Variants in MYO10 observed in about 807,000 individuals in gnomAD.
MYO10 encodes the protein unconventional myosin-X.
A neutral mutation model predicts 257.3 loss-of-function variants in MYO10; 133 were observed. The observed-to-expected ratio is 0.52, with a 90% CI of 0.45 to 0.60. The LOEUF (loss-of-function observed/expected upper bound fraction) is 0.60. Among genes scored for constraint, MYO10 ranks in the 20% least tolerant of loss-of-function variants. MYO10 has a pLI of 0.00. For missense variants in MYO10, 2,399 were observed against 2,635.7 expected (o/e 0.91, Z 1.97); for synonymous variants, 1,104 against 1,028.6 (o/e 1.07, Z -1.40).
chr5:16,674,744 C>T, intron 35 of MYO10, 109 bp downstream of exon 35: 1 of 1,268,478 alleles, frequency 7.9e-7, no homozygotes, highest in Non-Finnish European at 1.1e-6. Context: ...GGTCCCTGTC[C>T]TACTAGAGGT....
At chr5:16,805,458 C>CAAAAAAA (rs36126574) in intron 3 of MYO10, among the ~76,000 whole-genome samples, 41 of 78,058 alleles carry the variant, frequency 5.3e-4, no homozygotes, top group Admixed American at 9.9e-4. Context: ...GACTCCATCT[C>CAAAAAAA]AAAAAAAAAA....
At position 16,762,143 on chromosome 5, in the gene MYO10, A is replaced by AAAAAAAAAT. The variant is rs370443366; in HGVS notation, c.1588-31_1588-30insATTTTTTTT. On this transcript the variant is annotated intron_variant, in intron 15 of 40. Coordinates refer to ENST00000513610, the MANE Select transcript of MYO10 (RefSeq NM_012334.3). ...AAAAAAAAAAAAAAAAAAAAAAAAA[A>AAAAAAAAAT]ATACAATGCCTTATTTCACTCACTG... 241 of 1,092,120 alleles carry AAAAAAAAAT rather than the reference A, an allele frequency of 2.2e-4. 14 individuals are homozygous for AAAAAAAAAT. Among genetic ancestry groups the AAAAAAAAAT allele is most frequent in the Middle Eastern group, 3.2e-4 (1 of 3,096 alleles). The allele number at this position is 1,092,120 out of a possible 1,614,324, so 67.7% of individuals were successfully genotyped here.
chr5:16,796,216 A>AGAAAGC (rs1741944809), intron 3 of MYO10, among the ~76,000 whole-genome samples: 1 of 119,876 alleles, frequency 8.3e-6, no homozygotes, highest in African/African-American at 3.0e-5. Context: ...AAGAACAGAG[A>AGAAAGC]GAGAGCGAGA....
chr5:16,742,357 G>A (rs1374769297), intron 19 of MYO10: 3 of 624,876 alleles, frequency 4.8e-6, no homozygotes, highest in Non-Finnish European at 6.0e-6. Context: ...TTTGTTTAGG[G>A]AGAAGAATGG....
intron 3 of MYO10, among the ~76,000 whole-genome samples, chr5:16,808,187 G>A (rs964922061): frequency 6.6e-6 from 1 of 152,168 alleles, no homozygotes; most frequent in Non-Finnish European, 1.5e-5. Context: ...TTTCAGCCAC[G>A]TGTAGTGACT....
chr5:16,931,834 C>A (rs1204941746), intron 1 of MYO10, among the ~76,000 whole-genome samples: 1 of 152,146 alleles, frequency 6.6e-6, no homozygotes, highest in Admixed American at 6.6e-5. Flanking sequence ...GGAGACATAT[C>A]GAGGGTGAGG....
At chr5:16,773,882 GTAGT>G (rs1178323206) in intron 9 of MYO10, among the ~76,000 whole-genome samples, 5 of 152,294 alleles carry the variant, frequency 3.3e-5, no homozygotes, top group Middle Eastern at 3.4e-3. Flanking sequence ...GATTGGGCAA[GTAGT>G]TAGTAGTGTT....
intron 19 of MYO10, among the ~76,000 whole-genome samples, chr5:16,740,734 A>T (rs929816001): frequency 6.6e-6 from 1 of 152,126 alleles, no homozygotes; most frequent in African/African-American, 2.4e-5. Context: ...CACATTTGTA[A>T]ACTAAACAGA....
In MYO10 at chr5:16,744,935, T is replaced by A. The variant is rs1740141545; in HGVS notation, c.1929+9893A>T. The stretch of plus-strand genomic sequence containing the variant: ...ATTCTTATTAAGAGCTTAAAAATAT[T>A]TGACACGCTCCTATGAACGAATATC... On this transcript the variant is annotated intron_variant, in intron 19 of 40. Coordinates refer to ENST00000513610, the MANE Select transcript of MYO10 (RefSeq NM_012334.3). Among the ~76,000 whole-genome samples, 4 of 152,320 alleles carry A rather than the reference T, an allele frequency of 2.6e-5. No homozygotes were observed. The South Asian group carries it at 8.3e-4, about 32-fold the overall frequency.
intron 19 of MYO10, among the ~76,000 whole-genome samples, chr5:16,720,957 T>C (rs1739131920): frequency 6.6e-6 from 1 of 152,204 alleles, no homozygotes. Context: ...ATGAATACTG[T>C]ATGTGTGGGG....
At chr5:16,805,528 T>C (rs1301139636) in intron 3 of MYO10, among the ~76,000 whole-genome samples, 2 of 150,236 alleles carry the variant, frequency 1.3e-5, no homozygotes, top group Non-Finnish European at 3.0e-5. Flanking sequence ...ACATTTGCCA[T>C]GGGCTCACGT....
At chr5:16,927,243 T>C (rs546398216) in intron 1 of MYO10, among the ~76,000 whole-genome samples, 1 of 53,712 alleles carries the variant, frequency 1.9e-5, no homozygotes, top group African/African-American at 1.3e-4. Context: ...AAAGTCTCAA[T>C]GCATCTACCA....
intron 36 of MYO10, among the ~76,000 whole-genome samples, chr5:16,673,340 G>A (rs977693520): frequency 1.1e-4 from 16 of 144,460 alleles, no homozygotes; most frequent in African/African-American, 2.4e-4. Context: ...AGCTAGTCAC[G>A]TGCAAACAAA....
At position 16,773,824 on chromosome 5, in the gene MYO10, A is replaced by C. The variant is rs1225068179; in HGVS notation, c.931-4621T>G. ...AAGCAAATGAACAAATGTGTTTACT[A>C]TATTAATAAATTTGTGGACTTCTTT... On this transcript the variant is annotated intron_variant, in intron 9 of 40. Coordinates refer to ENST00000513610, the MANE Select transcript of MYO10 (RefSeq NM_012334.3). 2.6e-5 allele frequency among the ~76,000 whole-genome samples: 4 copies of C among 151,842 alleles called. No homozygotes were observed. The South Asian group carries it at 8.3e-4, about 32-fold the overall frequency.
chr5:16,872,615 A>C (rs1331429413), intron 2 of MYO10, among the ~76,000 whole-genome samples: 1 of 152,232 alleles, frequency 6.6e-6, no homozygotes, highest in Admixed American at 6.5e-5. Context: ...AGAAAGGGAA[A>C]GAATGCTATA....
intron 27 of MYO10, among the ~76,000 whole-genome samples, chr5:16,692,145 G>A (rs1207242872): frequency 2.0e-5 from 3 of 152,158 alleles, no homozygotes; most frequent in African/African-American, 7.2e-5. Context: ...TGCAGGCCAG[G>A]CACAGTGGCT....
At position 16,681,872 on chromosome 5, in the gene MYO10, T is replaced by C. The variant is rs878929166; in HGVS notation, c.4188A>G (p.Arg1396=). ...TRVEGQEFIV[R]GWLHKEVKNS... is the part of the protein sequence containing the mutation. ...CGAGGAAGCAGGGCAGGCAGTCACC[T>C]CTCACGATGAATTCCTGGCCCTCCA... Residue 1396 remains arginine, a splice_region_variant and synonymous_variant, in exon 31 of 41, where the codon AGA becomes AGG. Coordinates refer to ENST00000513610, the MANE Select transcript of MYO10 (RefSeq NM_012334.3). 1.9e-6 allele frequency: 3 copies of C among 1,613,660 alleles called. No homozygotes were observed. The highest frequency in any genetic ancestry group is 2.2e-5 in the South Asian group (2 of 91,062).
At chr5:16,776,609 T>C (rs1204945078) in intron 9 of MYO10, among the ~76,000 whole-genome samples, 2 of 152,218 alleles carry the variant, frequency 1.3e-5, no homozygotes, top group Non-Finnish European at 2.9e-5. Context: ...CCTTTTGTCA[T>C]AAAATCAAAT....
chr5:16,669,764 C>T lies in MYO10; in HGVS notation c.5883+762G>A, dbSNP rs150031581. Among the ~76,000 whole-genome samples, 1,348 of 152,206 alleles carry T rather than the reference C, an allele frequency of 8.9e-3. 28 individuals are homozygous for T. The highest frequency in any genetic ancestry group is 0.031 in the African/African-American group (1,293 of 41,524). On this transcript the variant is annotated intron_variant, in intron 39 of 40. Transcript: ENST00000513610. The stretch of plus-strand genomic sequence containing the variant: ...CCTCAATATAAAGTCATCAGATATA[C>T]GCTGAATTACTGTGATCATAAAAAA...
Sources: allele counts gnomAD v4.1 joint callset (sites outside exome capture counted in the v4.1 genomes callset), GRCh38; gene constraint gnomAD v4.1.1; transcripts MANE v1.5; gene names NCBI Gene and HGNC (gene_info 2026-07-23, HGNC 2026-07-21).